PCDH15: variants seen among roughly 807,000 people sequenced by gnomAD.
The protein encoded by PCDH15 is protocadherin-15.
Under a neutral mutation model 178.5 loss-of-function variants are expected in PCDH15, and 129 were observed. The ratio of observed to expected loss-of-function variants is 0.72; its 90% CI spans 0.63 to 0.84. The LOEUF is 0.84. Among genes scored for constraint, PCDH15 ranks in the 40% least tolerant of loss-of-function variants. PCDH15 has a pLI of 0.00. For missense variants in PCDH15, 2,230 were observed against 2,099.9 expected, an observed-to-expected ratio of 1.06 and a Z score of -1.21; for synonymous variants, 800 against 732.0, an observed-to-expected ratio of 1.09 and a Z score of -1.50.
intron 1 of PCDH15, among the ~76,000 whole-genome samples, chr10:55,214,448 A>G (rs1190635383): frequency 6.6e-6 from 1 of 151,860 alleles, no homozygotes; most frequent in African/African-American, 2.4e-5. Flanking sequence ...GACACGCACA[A>G]GTTTAAATTT....
chr10:54,219,040 T>C (rs2052423880), intron 9 of PCDH15, among the ~76,000 whole-genome samples: 1 of 140,368 alleles, frequency 7.1e-6, no homozygotes, highest in Non-Finnish European at 1.5e-5. Context: ...GATCACAAGG[T>C]CAGGAGATCG....
chr10:53,813,381 G>T (rs974796813), intron 35 of PCDH15, among the ~76,000 whole-genome samples: 1 of 151,966 alleles, frequency 6.6e-6, no homozygotes, highest in African/African-American at 2.4e-5. Flanking sequence ...CTACTCTAAA[G>T]GAATCCAATT....
chr10:55,103,036 T>C (rs1169914986), intron 2 of PCDH15, among the ~76,000 whole-genome samples: 1 of 151,368 alleles, frequency 6.6e-6, no homozygotes, highest in Admixed American at 6.6e-5. Flanking sequence ...GTGGAGGATG[T>C]GGAAGAGGGG....
At chr10:54,887,542 A>G (rs1199677389) in intron 3 of PCDH15, among the ~76,000 whole-genome samples, 1 of 152,132 alleles carries the variant, frequency 6.6e-6, no homozygotes, top group African/African-American at 2.4e-5. Flanking sequence ...AATTATTATA[A>G]AGAAAATCAT....
chr10:54,469,107 G>A (rs2077721164), intron 3 of PCDH15, among the ~76,000 whole-genome samples: 1 of 151,950 alleles, frequency 6.6e-6, no homozygotes, highest in African/African-American at 2.4e-5. Context: ...ATGTCTTTTT[G>A]TTTGTTTGTT....
intron 2 of PCDH15, among the ~76,000 whole-genome samples, chr10:55,380,984 A>C (rs1837520364): frequency 6.6e-6 from 1 of 152,196 alleles, no homozygotes; most frequent in African/African-American, 2.4e-5. Flanking sequence ...ATAAGGTAGT[A>C]AATGTTCTTA....
At chr10:55,265,755 C>T (rs983256954) in intron 1 of PCDH15, among the ~76,000 whole-genome samples, 2 of 152,108 alleles carry the variant, frequency 1.3e-5, no homozygotes, top group African/African-American at 4.8e-5. Flanking sequence ...TGGTAAAACA[C>T]ACCTCTCTAT....
chr10:53,969,483 A>G (rs10825172), intron 21 of PCDH15, among the ~76,000 whole-genome samples: 78,248 of 152,016 alleles, frequency 0.51, 21,879 homozygotes, highest in Middle Eastern at 0.7. Context: ...GCAGGCCAAC[A>G]TTCAAATTCA....
chr10:55,574,667 T>C (rs556075425), intron 2 of PCDH15, among the ~76,000 whole-genome samples: 2 of 152,156 alleles, frequency 1.3e-5, no homozygotes, highest in South Asian at 2.1e-4. Flanking sequence ...TGTAAAACTC[T>C]ATACTTTTAA....
At chr10:54,620,369 G>A (rs1590598659) in intron 2 of PCDH15, among the ~76,000 whole-genome samples, 1 of 152,060 alleles carries the variant, frequency 6.6e-6, no homozygotes, top group South Asian at 2.1e-4. Flanking sequence ...TATATCAGAT[G>A]GGAATTTGAG....
At chr10:54,362,974 C>T (rs1372850112) in intron 5 of PCDH15, among the ~76,000 whole-genome samples, 1 of 152,036 alleles carries the variant, frequency 6.6e-6, no homozygotes, top group African/African-American at 2.4e-5. Flanking sequence ...AAAATTTACT[C>T]TATATGAGCT....
rs887100487 is a variant in PCDH15, at chr10:55,609,081, CT to C, written c.-156+18543del. ...ATACACACAATATTTGAGTACTTTT[CT>C]TTTTTTTTCTGGACTTGTGTCCCTT... On this transcript the variant is annotated intron_variant, in intron 2 of 5. Coordinates refer to the PCDH15 transcript ENST00000613346. Among the ~76,000 whole-genome samples, 10 of 150,330 alleles carry C rather than the reference CT, an allele frequency of 6.7e-5. No homozygotes were observed. In the East Asian group the frequency reaches 7.8e-4, roughly 12 times the overall value.
intron 2 of PCDH15, among the ~76,000 whole-genome samples, chr10:55,506,816 A>G (rs968958594): frequency 6.6e-6 from 1 of 151,618 alleles, no homozygotes; most frequent in African/African-American, 2.4e-5. Flanking sequence ...CAATTTCATA[A>G]TACATTTTTT....
At chr10:54,487,225 G>A (rs990348713) in intron 3 of PCDH15, among the ~76,000 whole-genome samples, 1 of 152,020 alleles carries the variant, frequency 6.6e-6, no homozygotes, top group Non-Finnish European at 1.5e-5. Context: ...ATAATCTTAA[G>A]TGAAACAACT....
At chr10:54,701,060 A>C (rs1460920740) in intron 1 of PCDH15, among the ~76,000 whole-genome samples, 1 of 152,132 alleles carries the variant, frequency 6.6e-6, no homozygotes. Flanking sequence ...GCCTATATTC[A>C]GTATATTTTT....
At position 54,219,362 on chromosome 10, in the gene PCDH15, G is replaced by A. The variant is rs577780880; in HGVS notation, c.986-5314C>T. On this transcript the variant is annotated intron_variant, in intron 9 of 37. Coordinates refer to ENST00000644397, the MANE Select transcript of PCDH15 (RefSeq NM_001384140.1). ...TCTCAGCACTCTGGGAGGCCGAGACGGGCAGATCACCAGGTCAGGAGATCG... is the reference window on the plus strand; with the variant it reads ...TCTCAGCACTCTGGGAGGCCGAGACAGGCAGATCACCAGGTCAGGAGATCG... 4.0e-5 allele frequency among the ~76,000 whole-genome samples: 6 copies of A among 150,244 alleles called. 1 individual carries two copies. In the South Asian group the frequency reaches 1.3e-3, roughly 32 times the overall value.
intron 15 of PCDH15, among the ~76,000 whole-genome samples, chr10:54,130,199 T>G (rs1305031932): frequency 1.3e-5 from 2 of 152,190 alleles, no homozygotes; most frequent in Non-Finnish European, 2.9e-5. Context: ...ATTAGCTCTA[T>G]ATTGGGTGGT....
At chr10:54,917,810 A>C (rs1837379201) in intron 2 of PCDH15, among the ~76,000 whole-genome samples, 1 of 152,328 alleles carries the variant, frequency 6.6e-6, no homozygotes, top group East Asian at 1.9e-4. Context: ...TGTTTCCTTG[A>C]CAAATTTGTG....
At chr10:54,168,880 A>G (rs2046550569) in intron 13 of PCDH15, among the ~76,000 whole-genome samples, 1 of 152,020 alleles carries the variant, frequency 6.6e-6, no homozygotes, top group South Asian at 2.1e-4. Flanking sequence ...CCTCGCCTTC[A>G]AGGTGTACAA....
Sources: gnomAD v4.1 joint callset for allele counts (sites outside exome capture counted in the v4.1 genomes callset) on GRCh38, gnomAD v4.1.1 for gene constraint, MANE v1.5 for transcripts, NCBI Gene and HGNC (gene_info 2026-07-23, HGNC 2026-07-21) for gene names.